Variants in TBCK observed in about 807,000 individuals in gnomAD.
TBCK encodes TBC1 domain containing kinase, also known as TBC domain-containing protein kinase-like protein.
In TBCK, 99 loss-of-function variants were observed where a neutral mutation model predicts 113.4. That is an observed-to-expected ratio of 0.87 (90% CI 0.74 to 1.03). TBCK has a LOEUF of 1.03. Ranked by LOEUF, TBCK falls within the 50% of genes least tolerant of loss-of-function variation. The pLI, the probability that TBCK is intolerant of heterozygous loss-of-function variation, is 0.00. For synonymous variants in TBCK, 369 were observed against 370.8 expected (o/e 1.00, Z 0.05); for missense variants, 1,045 against 1,061.3 (o/e 0.98, Z 0.21).
At chr4:106,083,463 G>C (rs1238232661) in intron 25 of TBCK, among the ~76,000 whole-genome samples, 2 of 152,250 alleles carry the variant, frequency 1.3e-5, no homozygotes, top group East Asian at 3.8e-4. Flanking sequence ...GGGGATCGGG[G>C]AGGTGGCCTC....
intron 25 of TBCK, among the ~76,000 whole-genome samples, chr4:106,088,956 G>A (rs1463686316): frequency 1.3e-5 from 2 of 151,982 alleles, no homozygotes; most frequent in Non-Finnish European, 2.9e-5. Flanking sequence ...AGGGATCTTA[G>A]AGGACAGGTC....
At chr4:106,081,537 G>A (rs1738874770) in intron 25 of TBCK, among the ~76,000 whole-genome samples, 1 of 152,138 alleles carries the variant, frequency 6.6e-6, no homozygotes. Context: ...GGGGGAGGGA[G>A]AGCATCAGGA....
rs1263723187 is a variant in TBCK at position 106,072,395 on chromosome 4, C to A, written c.2571+23087G>T. 2.0e-5 allele frequency among the ~76,000 whole-genome samples: 3 copies of A among 152,126 alleles called. No homozygotes were observed. The East Asian group carries it at 5.8e-4, about 29-fold the overall frequency. On this transcript the variant is annotated intron_variant, in intron 25 of 25. Transcript: ENST00000394708. ...GATATGAAATTCTGGGTTGAAAATTCTTTTCTTTGAGAATGTTGAATATTG... is the reference window on the plus strand; with the variant it reads ...GATATGAAATTCTGGGTTGAAAATTATTTTCTTTGAGAATGTTGAATATTG...
At chr4:106,164,790 A>T (rs773978732) in intron 23 of TBCK, among the ~76,000 whole-genome samples, 5 of 151,744 alleles carry the variant, frequency 3.3e-5, no homozygotes, top group Admixed American at 2.0e-4. Flanking sequence ...GAAACTTTGT[A>T]GACTGGCATT....
At chr4:106,252,187 G>C (rs899380583) in intron 5 of TBCK, among the ~76,000 whole-genome samples, 180 bp from the exon 6 acceptor site, 2 of 151,882 alleles carry the variant, frequency 1.3e-5, no homozygotes, top group African/African-American at 4.8e-5. Context: ...GGAATCAAGA[G>C]AAAATATACA....
chr4:106,075,470 T>C (rs1164173642), intron 25 of TBCK, among the ~76,000 whole-genome samples: 4 of 152,198 alleles, frequency 2.6e-5, no homozygotes, highest in African/African-American at 9.6e-5. Context: ...GGCTCTTTAA[T>C]AAAAATATAT....
At chr4:106,205,995 A>C (rs1755457607) in intron 20 of TBCK, among the ~76,000 whole-genome samples, 1 of 152,188 alleles carries the variant, frequency 6.6e-6, no homozygotes, top group Admixed American at 6.5e-5. Flanking sequence ...ACTTTGGTTA[A>C]CATGCAATGG....
rs753530120 is a variant in TBCK, at chr4:106,139,320, A to T, written c.2236-22942T>A. On this transcript the variant is annotated intron_variant, in intron 23 of 25. Transcript: ENST00000394708. ...TAAAGTACTTGTGATATTAACTGTTATTGCCATGATTGATTTCTGGGAAAT... is the reference window on the plus strand; with the variant it reads ...TAAAGTACTTGTGATATTAACTGTTTTTGCCATGATTGATTTCTGGGAAAT... Among the ~76,000 whole-genome samples the T allele has an allele frequency of 1.4e-5, 2 of 141,954 alleles. 1 individual carries two copies. The highest frequency in any genetic ancestry group is 3.2e-5 in the Non-Finnish European group (2 of 62,404). 93.1% of individuals were successfully genotyped at this position (141,954 alleles called of 152,430 possible).
At position 106,110,987 on chromosome 4, in the gene TBCK, A is replaced by G. The variant is rs10004103; in HGVS notation, c.2411+5216T>C. Among the ~76,000 whole-genome samples, 573 of 100,242 alleles carry G rather than the reference A, an allele frequency of 5.7e-3. 3 individuals carry two copies. The highest frequency in any genetic ancestry group is 0.024 in the African/African-American group (545 of 22,786). The allele number at this position is 100,242 out of a possible 152,430, so 65.8% of individuals were successfully genotyped here. A position where few individuals can be genotyped will look rare whatever the true frequency, so the allele number is the denominator to read the frequency against. ...CAATCATTTCTTTTAATGCTTATAA[A>G]GAGCTAAAAAAAAAAAAGCATTAAA... On this transcript the variant is annotated intron_variant, in intron 24 of 25. Coordinates refer to ENST00000394708, the MANE Select transcript of TBCK (RefSeq NM_001163435.3).
chr4:106,177,166 A>G (rs528925013), intron 22 of TBCK, among the ~76,000 whole-genome samples: 1 of 152,016 alleles, frequency 6.6e-6, no homozygotes, highest in Non-Finnish European at 1.5e-5. Context: ...ATGTCTATTC[A>G]GATCATCTAC....
chr4:106,256,608 C>A (rs2150081321), intron 5 of TBCK, among the ~76,000 whole-genome samples: 1 of 152,270 alleles, frequency 6.6e-6, no homozygotes, highest in African/African-American at 2.4e-5. Context: ...TGCTTCCGGC[C>A]CCCAAGAGCA....
Position 106,212,942 on chromosome 4 carries a change from T to C in TBCK, c.1775-107A>G, listed in dbSNP as rs1015516558. 14 of 713,366 alleles carry C rather than the reference T, an allele frequency of 2.0e-5. No homozygotes were observed. In the Admixed American group the frequency reaches 2.4e-4, roughly 12 times the overall value. The allele number at this position is 713,366 out of a possible 1,614,324, so 44.2% of individuals were successfully genotyped here. A position where few individuals can be genotyped will look rare whatever the true frequency, so the allele number is the denominator to read the frequency against. On this transcript the variant is annotated intron_variant, in intron 19 of 25. Coordinates refer to ENST00000394708, the MANE Select transcript of TBCK (RefSeq NM_001163435.3). ...CATTGAATGAGATTTAATTTCTCCA[T>C]GAGAATACTTTACGTGATAATTTTG...
chr4:106,179,048 G>A (rs957552922), intron 22 of TBCK, among the ~76,000 whole-genome samples: 21 of 151,896 alleles, frequency 1.4e-4, no homozygotes, highest in Non-Finnish European at 3.1e-4. Flanking sequence ...AGTCTCTAAT[G>A]ATCCTTTGTA....
chr4:106,190,788 TG>T (rs1252901994), intron 22 of TBCK, among the ~76,000 whole-genome samples: 1 of 152,112 alleles, frequency 6.6e-6, no homozygotes, highest in Non-Finnish European at 1.5e-5. Flanking sequence ...TTGCCCAGGC[TG>T]GAGTGCAGAG....
chr4:106,205,180 C>T (rs944795632), intron 20 of TBCK, among the ~76,000 whole-genome samples: 3 of 152,134 alleles, frequency 2.0e-5, no homozygotes, highest in East Asian at 1.9e-4. Flanking sequence ...TGAAATTGGT[C>T]GGTTCCCAAT....
intron 23 of TBCK, among the ~76,000 whole-genome samples, chr4:106,149,696 T>C (rs1007923679): frequency 1.3e-5 from 2 of 152,158 alleles, no homozygotes; most frequent in African/African-American, 2.4e-5. Context: ...ATGAAAAAGT[T>C]TGAAATATTG....
intron 19 of TBCK, among the ~76,000 whole-genome samples, chr4:106,225,842 T>C (rs1466923701): frequency 6.6e-6 from 1 of 152,254 alleles, no homozygotes; most frequent in Admixed American, 6.5e-5. Context: ...GACATTGTCT[T>C]GCATATCTGT....
At chr4:106,235,886 T>C (rs1324102581) in intron 14 of TBCK, among the ~76,000 whole-genome samples, 3 of 152,096 alleles carry the variant, frequency 2.0e-5, no homozygotes, top group East Asian at 1.9e-4. Context: ...GTTCTTGATA[T>C]ATGCATTCAA....
intron 23 of TBCK, among the ~76,000 whole-genome samples, chr4:106,169,856 T>C (rs904977834): frequency 6.6e-6 from 1 of 152,112 alleles, no homozygotes; most frequent in African/African-American, 2.4e-5. Flanking sequence ...CATTAGATTC[T>C]CATAAGGAAT....
Sources: gnomAD v4.1 joint callset for allele counts (sites outside exome capture counted in the v4.1 genomes callset) on GRCh38, gnomAD v4.1.1 for gene constraint, MANE v1.5 for transcripts, NCBI Gene and HGNC (gene_info 2026-07-23, HGNC 2026-07-21) for gene names.